The following ADAM12 variants were observed in gnomAD, a reference collection of about 807,000 sequenced individuals.
ADAM12 encodes disintegrin and metalloproteinase domain-containing protein 12.
ADAM12 carries 70 observed loss-of-function variants against 106.4 expected under a neutral mutation model. The observed-to-expected ratio is 0.66, with a 90% CI of 0.54 to 0.80. The LOEUF (loss-of-function observed/expected upper bound fraction) is 0.80. Ranked by LOEUF, ADAM12 falls within the 30% of genes least tolerant of loss-of-function variation. The pLI is 0.00. For synonymous variants in ADAM12, 420 were observed against 433.5 expected (o/e 0.97, Z 0.39); for missense variants, 1,010 against 1,171.9 (o/e 0.86, Z 2.02).
chr10:126,310,708 T>C (rs1439262848), intron 2 of ADAM12, among the ~76,000 whole-genome samples: 1 of 152,182 alleles, frequency 6.6e-6, no homozygotes, highest in Non-Finnish European at 1.5e-5. Flanking sequence ...TAATTATGGA[T>C]CACTGGGTGG....
chr10:126,307,574 T>A (rs1309751848), intron 2 of ADAM12, among the ~76,000 whole-genome samples: 1 of 152,150 alleles, frequency 6.6e-6, no homozygotes, highest in Non-Finnish European at 1.5e-5. Context: ...CTCACTCTGT[T>A]CTGTTGCCCA....
intron 3 of ADAM12, among the ~76,000 whole-genome samples, chr10:126,253,217 A>G (rs1258911062): frequency 1.3e-5 from 2 of 151,900 alleles, no homozygotes; most frequent in African/African-American, 4.8e-5. Flanking sequence ...ACCACTCTTG[A>G]CATTTACTGC....
In ADAM12 at chr10:126,206,854, T is replaced by TGCGGGGGGGGGGG. The variant is rs61139077; in HGVS notation, c.261-51550_261-51549insCCCCCCCCCCCGC. Among the ~76,000 whole-genome samples the TGCGGGGGGGGGGG allele has an allele frequency of 2.1e-4, 17 of 81,800 alleles. 2 individuals carry two copies. The highest frequency in any genetic ancestry group is 6.5e-4 in the East Asian group (2 of 3,096). 53.7% of individuals were successfully genotyped at this position (81,800 alleles called of 152,430 possible). A position where few individuals can be genotyped will look rare whatever the true frequency, so the allele number is the denominator to read the frequency against. ...TAGCTCCCTGAATTCCCATGTGTTG[T>TGCGGGGGGGGGGG]GGGGGCGGGGGGGAGCCAGTGGGAG... On this transcript the variant is annotated intron_variant, in intron 3 of 22. Coordinates refer to ENST00000448723, the MANE Select transcript of ADAM12 (RefSeq NM_001288973.2).
chr10:126,195,992 G>A (rs1565130636), intron 3 of ADAM12, among the ~76,000 whole-genome samples: 1 of 152,172 alleles, frequency 6.6e-6, no homozygotes. Flanking sequence ...GCCTCCAGGG[G>A]CCTGTTTCTT....
chr10:126,319,026 T>A (rs965706710), intron 2 of ADAM12, among the ~76,000 whole-genome samples: 2 of 151,982 alleles, frequency 1.3e-5, no homozygotes, highest in African/African-American at 2.4e-5. Context: ...TCCCACCAGG[T>A]CCCTCCCACA....
chr10:126,301,806 T>C (rs1960637189), intron 2 of ADAM12, among the ~76,000 whole-genome samples: 1 of 152,210 alleles, frequency 6.6e-6, no homozygotes, highest in Non-Finnish European at 1.5e-5. Flanking sequence ...CCCATCCAGA[T>C]TGCAGACATT....
At chr10:126,128,061 C>T (rs1387515503) in intron 5 of ADAM12, among the ~76,000 whole-genome samples, 2 of 152,032 alleles carry the variant, frequency 1.3e-5, no homozygotes, top group Non-Finnish European at 2.9e-5. Flanking sequence ...CGGGGGTCAG[C>T]CAGGCTTGGG....
At chr10:126,383,594 T>C (rs1028007026) in intron 1 of ADAM12, among the ~76,000 whole-genome samples, 9 of 151,964 alleles carry the variant, frequency 5.9e-5, no homozygotes, top group Admixed American at 5.2e-4. Context: ...CGAAAAAAGA[T>C]AATCACTTCC....
chr10:126,177,318 A>G (rs767107017), intron 3 of ADAM12, among the ~76,000 whole-genome samples: 4 of 151,922 alleles, frequency 2.6e-5, no homozygotes, highest in Non-Finnish European at 4.4e-5. Context: ...TGAAACACTG[A>G]TAATTACAGA....
chr10:126,238,263 T>C (rs1451141595), intron 3 of ADAM12, among the ~76,000 whole-genome samples: 1 of 152,090 alleles, frequency 6.6e-6, no homozygotes. Flanking sequence ...GTGGATCACC[T>C]GAGGTGAGGA....
chr10:126,329,677 C>A (rs1004909584), intron 2 of ADAM12, among the ~76,000 whole-genome samples: 10 of 152,150 alleles, frequency 6.6e-5, no homozygotes, highest in African/African-American at 2.4e-4. Context: ...TGGCCCACTG[C>A]AACCATTCCA....
intron 1 of ADAM12, among the ~76,000 whole-genome samples, chr10:126,349,507 A>G (rs1012576883): frequency 6.6e-6 from 1 of 152,238 alleles, no homozygotes; most frequent in African/African-American, 2.4e-5. Flanking sequence ...CTTTTAAAAC[A>G]TGTTAAAGAA....
chr10:126,020,457 T>G (rs527496090), intron 21 of ADAM12, among the ~76,000 whole-genome samples: 1 of 152,196 alleles, frequency 6.6e-6, no homozygotes, highest in South Asian at 2.1e-4. Context: ...CAGAAGCCAG[T>G]GTGAGGGAGC....
At chr10:126,173,072 T>G (rs983072511) in intron 3 of ADAM12, among the ~76,000 whole-genome samples, 7 of 151,974 alleles carry the variant, frequency 4.6e-5, no homozygotes. Context: ...CACATGGACA[T>G]AGGGAGGTGA....
chr10:126,056,615 A>G (rs12769007), intron 14 of ADAM12, among the ~76,000 whole-genome samples: 2,434 of 80,878 alleles, frequency 0.03, 58 homozygotes, highest in South Asian at 0.044. Flanking sequence ...CCTGTTTACA[A>G]TGCTTACTCT....
chr10:126,160,090 T>C lies in ADAM12; in HGVS notation c.261-4785A>G, dbSNP rs114491220. Among the ~76,000 whole-genome samples the C allele has an allele frequency of 1.6e-3, 245 of 152,292 alleles. 1 individual carries two copies. The highest frequency in any genetic ancestry group is 6.8e-3 in the Middle Eastern group (2 of 294). Reference sequence around the variant, plus strand: ...GATGCAGTCATACCACTTGTGTACATTGTATCTTCTCAAGATATTTTGAAG... The same window carrying C: ...GATGCAGTCATACCACTTGTGTACACTGTATCTTCTCAAGATATTTTGAAG... On this transcript the variant is annotated intron_variant, in intron 3 of 22. Coordinates refer to ENST00000448723, the MANE Select transcript of ADAM12 (RefSeq NM_001288973.2).
intron 2 of ADAM12, among the ~76,000 whole-genome samples, chr10:126,291,297 G>A (rs1347690623): frequency 2.0e-5 from 3 of 152,174 alleles, no homozygotes; most frequent in Admixed American, 6.5e-5. Flanking sequence ...AAGCATCACT[G>A]TAATGTCTTT....
At chr10:126,331,933 CCTT>C (rs1007486524) in intron 1 of ADAM12, among the ~76,000 whole-genome samples, 4 of 152,134 alleles carry the variant, frequency 2.6e-5, no homozygotes, top group African/African-American at 9.7e-5. Context: ...CATCAGAAGT[CCTT>C]CTCCTGGCTG....
At chr10:126,161,376 T>C (rs1956930831) in intron 3 of ADAM12, among the ~76,000 whole-genome samples, 1 of 152,110 alleles carries the variant, frequency 6.6e-6, no homozygotes, top group East Asian at 1.9e-4. Context: ...CTGCCCAAGG[T>C]CATGCCATCC....
Sources: gnomAD v4.1 joint callset for allele counts (sites outside exome capture counted in the v4.1 genomes callset) on GRCh38, gnomAD v4.1.1 for gene constraint, MANE v1.5 for transcripts, NCBI Gene and HGNC (gene_info 2026-07-23, HGNC 2026-07-21) for gene names.